PJA2: variants seen among roughly 807,000 people sequenced by gnomAD.
PJA2 encodes the protein E3 ubiquitin-protein ligase Praja-2.
PJA2 carries 25 observed loss-of-function variants against 69.3 expected under a neutral mutation model. That is an observed-to-expected ratio of 0.36 (90% CI 0.26 to 0.50). The LOEUF (loss-of-function observed/expected upper bound fraction) is 0.50, where lower values mean the gene tolerates loss of function less well. Ranked by LOEUF, PJA2 falls within the 20% of genes least tolerant of loss-of-function variation. The pLI is 0.96. For synonymous variants in PJA2, 308 were observed against 277.8 expected (o/e 1.11, Z -1.08); for missense variants, 809 against 830.2 (o/e 0.97, Z 0.31).
chr5:109,368,659 G>A lies in PJA2; in HGVS notation c.1371C>T (p.Ser457=). ...CATCTTTTCCTGGCAGAGTCTCCCAGCTTTCATCACTTGAGGATTGATCTT... is the reference window on the plus strand; with the variant it reads ...CATCTTTTCCTGGCAGAGTCTCCCAACTTTCATCACTTGAGGATTGATCTT... ...TEKDQSSSDE[S]WETLPGKDEN... The change falls in exon 5 of 10, where the codon AGC becomes AGT. Residue 457 remains serine (S), a synonymous_variant. Coordinates refer to ENST00000361189, the MANE Select transcript of PJA2 (RefSeq NM_014819.5). 6.2e-7 allele frequency: 1 copy of A among 1,614,124 alleles called. No homozygotes were observed. Among genetic ancestry groups the A allele is most frequent in the Non-Finnish European group, 8.5e-7 (1 of 1,180,008 alleles).
In PJA2 at chr5:109,362,103, A is replaced by G. The variant is rs191129533; in HGVS notation, c.1652+737T>C. Among the ~76,000 whole-genome samples, 26 of 152,356 alleles carry G rather than the reference A, an allele frequency of 1.7e-4. No individual in the cohort carries two copies. The East Asian group carries it at 4.6e-3, about 27-fold the overall frequency. On this transcript the variant is annotated intron_variant, in intron 6 of 9. Coordinates refer to ENST00000361189, the MANE Select transcript of PJA2 (RefSeq NM_014819.5). ...TTCTTAAAAATATATTTGTACAGAG[A>G]AAGAAACAAGTGTAAATACACCAAG... is the stretch of plus-strand genomic sequence containing the variant.
intron 1 of PJA2, among the ~76,000 whole-genome samples, chr5:109,396,414 G>A (rs1582627907): frequency 7.1e-6 from 1 of 141,330 alleles, no homozygotes; most frequent in Admixed American, 7.3e-5. Flanking sequence ...TACTTAACAT[G>A]TAAAGTTCTT....
chr5:109,339,456 G>C (rs1313274695), intron 9 of PJA2, among the ~76,000 whole-genome samples: 1 of 152,100 alleles, frequency 6.6e-6, no homozygotes, highest in Non-Finnish European at 1.5e-5. Flanking sequence ...AAAAAGAAAT[G>C]AAAAGAAAGT....
At chr5:109,338,636 CAAAAAAAAAAAA>C (rs11336749) in intron 9 of PJA2, among the ~76,000 whole-genome samples, 6 of 62,468 alleles carry the variant, frequency 9.6e-5, no homozygotes, top group African/African-American at 3.4e-4. Flanking sequence ...AACTCCGTCT[CAAAAAAAAAAAA>C]AAAAAAAAAA....
In PJA2 at chr5:109,378,677, T is replaced by C. The variant is rs1487378722; in HGVS notation, c.810A>G (p.Gln270=). The change falls in exon 4 of 10, where the codon CAA becomes CAG. Residue 270 remains glutamine, a synonymous_variant. Transcript: ENST00000361189. The stretch of plus-strand genomic sequence containing the variant: ...TCTGTCTTTCCTGGCTAGTATTATT[T>C]TGTTGTTTCGTACTAACCATTTCAT... The part of the protein sequence containing the change: ...SQDEMVSTKQ[Q]NNTSQERQTE... The C allele has an allele frequency of 6.2e-7, 1 of 1,614,042 alleles. No homozygotes were observed. Among genetic ancestry groups the C allele is most frequent in the Non-Finnish European group, 8.5e-7 (1 of 1,180,004 alleles).
intron 1 of PJA2, among the ~76,000 whole-genome samples, chr5:109,389,338 C>T (rs534437295): frequency 1.3e-5 from 2 of 152,016 alleles, no homozygotes; most frequent in Non-Finnish European, 2.9e-5. Context: ...CACAGAACAA[C>T]TCAGATTTTC....
chr5:109,345,522 A>AAC (rs1762158920), intron 7 of PJA2, among the ~76,000 whole-genome samples: 1 of 151,588 alleles, frequency 6.6e-6, no homozygotes, highest in Non-Finnish European at 1.5e-5. Flanking sequence ...TCAAAAAAAA[A>AAC]AAAAAAAAAA....
At chr5:109,386,639 T>G (rs556092739) in intron 1 of PJA2, among the ~76,000 whole-genome samples, 1 of 152,242 alleles carries the variant, frequency 6.6e-6, no homozygotes, top group African/African-American at 2.4e-5. Context: ...GAATTCCATG[T>G]TTTTATCATT....
chr5:109,403,546 G>A (rs1323171494), intron 1 of PJA2, among the ~76,000 whole-genome samples: 2 of 148,096 alleles, frequency 1.4e-5, no homozygotes, highest in Non-Finnish European at 3.0e-5. Flanking sequence ...TATCTTTCAT[G>A]AACATAGATG....
In PJA2 at chr5:109,368,750, C is replaced by T. The variant is rs751461831; in HGVS notation, c.1284-4G>A. On this transcript the variant is annotated splice_polypyrimidine_tract_variant and splice_region_variant and intron_variant, in intron 4 of 9. Coordinates refer to ENST00000361189, the MANE Select transcript of PJA2 (RefSeq NM_014819.5). ...TTCCCCATCACTGCATTCAGAACTG[C>T]AAATCAGAAGAGAAATAAACTATCA... 6.2e-7 allele frequency: 1 copy of T among 1,608,300 alleles called. No individual in the cohort carries two copies. The highest frequency in any genetic ancestry group is 8.5e-7 in the Non-Finnish European group (1 of 1,177,902).
chr5:109,338,343 T>G (rs927349666), intron 9 of PJA2, among the ~76,000 whole-genome samples: 2 of 152,102 alleles, frequency 1.3e-5, no homozygotes, highest in Non-Finnish European at 2.9e-5. Context: ...GTTTACCGTT[T>G]AAGAATCCAT....
At chr5:109,381,082 C>T (rs1346436984) in intron 3 of PJA2, among the ~76,000 whole-genome samples, 2 of 151,094 alleles carry the variant, frequency 1.3e-5, no homozygotes, top group Non-Finnish European at 2.9e-5. Context: ...CTACTGCAGT[C>T]CATCCTGGGC....
At chr5:109,372,905 C>CAACAAAAAAAAAAAAAAA (rs1491136790) in intron 4 of PJA2, among the ~76,000 whole-genome samples, 1 of 35,698 alleles carries the variant, frequency 2.8e-5, no homozygotes, top group African/African-American at 7.5e-5. Context: ...CACTCCGTCT[C>CAACAAAAAAAAAAAAAAA]AAAAAAAAAA....
At chr5:109,398,683 G>A (rs551401270) in intron 1 of PJA2, among the ~76,000 whole-genome samples, 5 of 150,644 alleles carry the variant, frequency 3.3e-5, no homozygotes, top group Admixed American at 1.3e-4. Context: ...TGTAAATGAC[G>A]AGTTAATGGG....
At chr5:109,353,426 TTAGATACCTATATA>T (rs1762310335) in intron 7 of PJA2, among the ~76,000 whole-genome samples, 4 of 51,016 alleles carry the variant, frequency 7.8e-5, no homozygotes, top group East Asian at 2.3e-4. Flanking sequence ...CATCTATATA[TTAGATACCTATATA>T]TAGATATCTA....
intron 3 of PJA2, 152 bp downstream of exon 3, chr5:109,381,351 A>G (rs1747044051): frequency 3.3e-6 from 2 of 613,804 alleles, no homozygotes; most frequent in South Asian, 4.4e-5. Flanking sequence ...CATTAATATT[A>G]AATTCAATAA....
At chr5:109,354,232 A>C (rs1332936363) in intron 7 of PJA2, among the ~76,000 whole-genome samples, 144 of 142,508 alleles carry the variant, frequency 1.0e-3, no homozygotes, top group Middle Eastern at 0.01. Context: ...TATGATGTCT[A>C]GAGATTTCTA....
intron 6 of PJA2, among the ~76,000 whole-genome samples, chr5:109,357,593 A>T (rs1762434086): frequency 1.3e-5 from 2 of 152,220 alleles, no homozygotes; most frequent in African/African-American, 4.8e-5. Flanking sequence ...TCATCTATAA[A>T]ACAAATTAAA....
At chr5:109,379,439 T>C (rs1279086012) in intron 3 of PJA2, among the ~76,000 whole-genome samples, 185 bp from the exon 4 acceptor site, 3 of 152,228 alleles carry the variant, frequency 2.0e-5, no homozygotes, top group African/African-American at 7.2e-5. Flanking sequence ...TGAGTTCATT[T>C]ATGTCAATGT....
Sources: allele counts gnomAD v4.1 joint callset (sites outside exome capture counted in the v4.1 genomes callset), GRCh38; gene constraint gnomAD v4.1.1; transcripts MANE v1.5; gene names NCBI Gene and HGNC (gene_info 2026-07-23, HGNC 2026-07-21).